Variants in IRX2 observed in about 807,000 individuals in gnomAD.
IRX2 encodes the protein iroquois-class homeodomain protein IRX-2.
Under a neutral mutation model 42.9 loss-of-function variants are expected in IRX2, and 26 were observed. The observed-to-expected ratio is 0.61, with a 90% CI of 0.44 to 0.84. The LOEUF (loss-of-function observed/expected upper bound fraction) is 0.84, where lower values mean the gene tolerates loss of function less well. Among genes scored for constraint, IRX2 ranks in the 40% least tolerant of loss-of-function variants. The pLI is 0.00. For missense variants in IRX2, 782 were observed against 713.9 expected, an observed-to-expected ratio of 1.10 and a Z score of -1.09; for synonymous variants, 424 against 353.9, an observed-to-expected ratio of 1.20 and a Z score of -2.22.
At chr5:2,741,124 C>T (rs1314536747), downstream of IRX2, among the ~76,000 whole-genome samples, 1 of 152,246 alleles carries the variant, frequency 6.6e-6, no homozygotes, top group Non-Finnish European at 1.5e-5. Context: ...CGCAACGCCG[C>T]TATTAGTAAG....
At chr5:2,747,663 T>C (rs1244031558) in intron 3 of IRX2, 47 bp from the exon 4 acceptor site, 2 of 1,593,062 alleles carry the variant, frequency 1.3e-6, no homozygotes, top group South Asian at 2.2e-5. Context: ...CACAGCCTGC[T>C]GGCTGCGCAG....
At chr5:2,749,314 G>T in intron 2 of IRX2, 68 bp downstream of exon 2, 2 of 1,526,092 alleles carry the variant, frequency 1.3e-6, no homozygotes, top group Non-Finnish European at 1.7e-6. Context: ...CGTCCTCCCC[G>T]CCTTAGCTCT....
the IRX2 span, among the ~76,000 whole-genome samples, chr5:2,738,469 G>A: frequency 6.6e-6 from 1 of 152,082 alleles, no homozygotes; most frequent in African/African-American, 2.4e-5. Context: ...CGTCATCCTG[G>A]GTACCAAGGA....
chr5:2,748,888 C>A lies in IRX2; in HGVS notation c.820G>T (p.Glu274Ter). 1 of 1,595,630 alleles carries A rather than the reference C, an allele frequency of 6.3e-7. No individual in the cohort carries two copies. Among genetic ancestry groups the A allele is most frequent in the Non-Finnish European group, 8.5e-7 (1 of 1,179,028 alleles). Residue 274 changes from glutamate (E) to a stop codon, truncating the protein, a stop_gained, in exon 3 of 4, where the codon GAG (glutamate) becomes TAG (stop). Transcript: ENST00000302057. LOFTEE classifies it high-confidence loss of function. ...EDDEDDDEEG[E>*]RGLAPPKPVT... ...GGCTTGGGCGGCGCCAGGCCCCGCT[C>A]GCCCTCCTCGTCGTCGTCCTCGTCG...
chr5:2,748,658 C>A lies in IRX2; in HGVS notation c.1050G>T (p.Gly350=). 7.2e-7 allele frequency: 1 copy of A among 1,380,750 alleles called. No homozygotes were observed. The highest frequency in any genetic ancestry group is 1.7e-5 in the South Asian group (1 of 57,878). 85.5% of individuals were successfully genotyped at this position (1,380,750 alleles called of 1,614,324 possible). A position where few individuals can be genotyped will look rare whatever the true frequency, so the allele number is the denominator to read the frequency against. ...LKQPSLGPGC[G]PPGLPAAAAP... The stretch of plus-strand genomic sequence containing the variant: ...CGGCGGCCGCGGGCAGCCCCGGTGG[C>A]CCGCAGCCCGGGCCCAGGCTCGGCT... The change falls in exon 3 of 4, where the codon GGG becomes GGT. Residue 350 remains glycine, a synonymous_variant. Coordinates refer to ENST00000302057, the MANE Select transcript of IRX2 (RefSeq NM_033267.5).
the IRX2 span, among the ~76,000 whole-genome samples, chr5:2,736,074 C>A: frequency 6.6e-6 from 1 of 152,218 alleles, no homozygotes; most frequent in Non-Finnish European, 1.5e-5. Flanking sequence ...CTTACCCTAT[C>A]AGCCCACGCC....
At chr5:2,749,158 C>T (rs1737821426) in intron 2 of IRX2, 106 bp from the exon 3 acceptor site, 1 of 1,495,290 alleles carries the variant, frequency 6.7e-7, no homozygotes, top group African/African-American at 1.4e-5. Context: ...CGGGACCCCT[C>T]ACCTCGCCCC....
At chr5:2,749,153 C>A in intron 2 of IRX2, 101 bp from the exon 3 acceptor site, 1 of 1,499,934 alleles carries the variant, frequency 6.7e-7, no homozygotes, top group East Asian at 2.5e-5. Context: ...CCCCACGGGA[C>A]CCCTCACCTC....
intron 2 of IRX2, 120 bp from the exon 3 acceptor site, chr5:2,749,172 C>G (rs2111448129): frequency 6.7e-7 from 1 of 1,483,750 alleles, no homozygotes; most frequent in Admixed American, 2.6e-5. Flanking sequence ...TCGCCCCCAC[C>G]CGGCCACGTG....
At chr5:2,737,246 C>A in the IRX2 span, 2 of 152,216 alleles carry the variant, frequency 1.3e-5, no homozygotes, top group Non-Finnish European at 2.9e-5. Flanking sequence ...AGAAAAATAC[C>A]TGCATTATTG....
chr5:2,739,506 G>C, the IRX2 span, among the ~76,000 whole-genome samples: 1 of 150,614 alleles, frequency 6.6e-6, no homozygotes, highest in African/African-American at 2.4e-5. Flanking sequence ...GCAGAAATAC[G>C]GTGTGCAGGC....
chr5:2,747,935 T>C (rs1737736714), intron 3 of IRX2, among the ~76,000 whole-genome samples: 1 of 152,114 alleles, frequency 6.6e-6, no homozygotes, highest in African/African-American at 2.4e-5. Flanking sequence ...ACAAAACGCC[T>C]CTGAGAGTAA....
In IRX2 at chr5:2,751,365, G is replaced by A. The variant is rs1170478429; in HGVS notation, c.49C>T (p.Leu17Phe). 26 of 1,429,516 alleles carry A rather than the reference G, an allele frequency of 1.8e-5. No homozygotes were observed. Among genetic ancestry groups the A allele is most frequent in the Non-Finnish European group, 2.4e-5 (26 of 1,091,440 alleles). 88.6% of individuals were successfully genotyped at this position (1,429,516 alleles called of 1,614,324 possible). ...GCGCCGTAGGCCGGGCACGAGTAGA[G>A]CGCCAGCGAGCCGGGCGCCTGGTAC... Reference protein sequence around the residue: ...YLYQAPGSLALYSCPAYGASA... With the variant: ...YLYQAPGSLAFYSCPAYGASA... Residue 17 changes from leucine to phenylalanine, a missense_variant, in exon 1 of 4, where the codon CTC (leucine) becomes TTC (phenylalanine). Leu to Phe is a conservative substitution (Grantham distance 22). Around this residue, in one of 3 missense-constraint regions of IRX2, gnomAD observed 256 missense variants for 250.0 expected, o/e 1.02. Coordinates refer to ENST00000302057, the MANE Select transcript of IRX2 (RefSeq NM_033267.5). The surrounding 1 kb of genome is among the most constrained non-coding windows in gnomAD (Gnocchi z 4.0).
Position 2,748,910 on chromosome 5 carries a change from G to T in IRX2, c.798C>A (p.Asp266Glu). The T allele has an allele frequency of 6.3e-7, 1 of 1,596,254 alleles. No individual in the cohort carries two copies. The highest frequency in any genetic ancestry group is 8.5e-7 in the Non-Finnish European group (1 of 1,179,196). Residue 266 changes from aspartate to glutamate, a missense_variant, in exon 3 of 4, where the codon GAC (aspartate) becomes GAA (glutamate). Coordinates refer to ENST00000302057, the MANE Select transcript of IRX2 (RefSeq NM_033267.5). Reference protein sequence around the residue: ...CKDKYDDLEDDEDDDEEGERG... With the variant: ...CKDKYDDLEDEEDDDEEGERG... ...GCTCGCCCTCCTCGTCGTCGTCCTC[G>T]TCGTCCTCCAGGTCGTCATACTTGT...
Position 2,748,874 on chromosome 5 carries a change from C to A in IRX2, c.834G>T (p.Ala278=). The part of the protein sequence containing the change: ...DDDEEGERGL[A]PPKPVTSSPL... ...GCGACGAGGTCACGGGCTTGGGCGGCGCCAGGCCCCGCTCGCCCTCCTCGT... is the reference window on the plus strand; with the variant it reads ...GCGACGAGGTCACGGGCTTGGGCGGAGCCAGGCCCCGCTCGCCCTCCTCGT... The change falls in exon 3 of 4, where the codon GCG becomes GCT. Residue 278 remains alanine (A), a synonymous_variant. Transcript: ENST00000302057. 1 of 1,593,936 alleles carries A rather than the reference C, an allele frequency of 6.3e-7. No individual in the cohort carries two copies. Among genetic ancestry groups the A allele is most frequent in the South Asian group, 1.1e-5 (1 of 90,196 alleles).
At chr5:2,749,280 G>T in intron 2 of IRX2, 102 bp downstream of exon 2, 2 of 1,481,604 alleles carry the variant, frequency 1.3e-6, no homozygotes, top group Non-Finnish European at 8.9e-7. Flanking sequence ...GCTCCGGCCC[G>T]GACCTGGGGT....
chr5:2,749,312 C>T, intron 2 of IRX2, 70 bp downstream of exon 2: 1 of 1,523,590 alleles, frequency 6.6e-7, no homozygotes, highest in African/African-American at 1.4e-5. Flanking sequence ...AACGTCCTCC[C>T]CGCCTTAGCT....
chr5:2,750,787 T>G lies in IRX2; in HGVS notation c.249+378A>C, dbSNP rs145958929. Among the ~76,000 whole-genome samples, 711 of 152,192 alleles carry G rather than the reference T, an allele frequency of 4.7e-3. 3 individuals carry two copies. The highest frequency in any genetic ancestry group is 8.2e-3 in the Non-Finnish European group (560 of 67,980). ...CGCGGACCCTCGCGCCCCACGCCAA[T>G]GCAGGCGAGCACACAGCCCGCTCCG... On this transcript the variant is annotated intron_variant, in intron 1 of 3. Transcript: ENST00000302057.
chr5:2,749,416 C>A lies in IRX2; in HGVS notation c.621G>T (p.Ala207=). ...TRSKDESPDK[A]QEGTETSAED... is the part of the protein sequence containing the mutation. ...CTGCCGAGGTCTCCGTGCCCTCCTG[C>A]GCCTTGTCGGGACTCTCGTCCTTGC... The change falls in exon 2 of 4, where the codon GCG becomes GCT. Residue 207 remains alanine (A), a synonymous_variant. Transcript: ENST00000302057. The A allele has an allele frequency of 1.9e-6, 3 of 1,613,982 alleles. No homozygotes were observed. The highest frequency in any genetic ancestry group is 2.2e-5 in the South Asian group (2 of 91,074).
Sources: gnomAD v4.1 joint callset for allele counts (sites outside exome capture counted in the v4.1 genomes callset) on GRCh38, gnomAD v4.1.1 for gene constraint, gnomAD v4.1.1 regional missense constraint, Gnocchi (gnomAD v3.1) non-coding constraint, MANE v1.5 for transcripts, NCBI Gene and HGNC (gene_info 2026-07-23, HGNC 2026-07-21) for gene names.